STK3: variants seen among roughly 807,000 people sequenced by gnomAD.
The protein encoded by STK3 is serine/threonine kinase 3.
A neutral mutation model predicts 58.0 loss-of-function variants in STK3; 41 were observed. The ratio of observed to expected loss-of-function variants is 0.71; its 90% CI spans 0.55 to 0.92. The LOEUF (loss-of-function observed/expected upper bound fraction) is 0.92, where lower values mean the gene tolerates loss of function less well. Among genes scored for constraint, STK3 ranks in the 40% least tolerant of loss-of-function variants. The pLI is 0.00. For missense variants in STK3, 479 were observed against 602.7 expected (o/e 0.79, Z 2.15); for synonymous variants, 170 against 191.0 (o/e 0.89, Z 0.91).
chr8:98,820,518 A>C (rs1834821273), intron 1 of STK3, among the ~76,000 whole-genome samples: 1 of 152,142 alleles, frequency 6.6e-6, no homozygotes, highest in South Asian at 2.1e-4. Context: ...ACAAGTATTA[A>C]ATATATTTTC....
At chr8:98,708,273 G>T (rs1325514885) in intron 4 of STK3, among the ~76,000 whole-genome samples, 1 of 152,120 alleles carries the variant, frequency 6.6e-6, no homozygotes, top group African/African-American at 2.4e-5. Flanking sequence ...GCTAATATCT[G>T]TTCTGAAAAA....
chr8:98,464,540 TAAA>T, intron 10 of STK3, among the ~76,000 whole-genome samples: 2 of 69,226 alleles, frequency 2.9e-5, no homozygotes, highest in Admixed American at 2.2e-4. Context: ...TACTTAAAGT[TAAA>T]AAAAAAAAAA....
At chr8:98,613,614 T>C (rs1459215438) in intron 6 of STK3, among the ~76,000 whole-genome samples, 1 of 150,186 alleles carries the variant, frequency 6.7e-6, no homozygotes, top group Non-Finnish European at 1.5e-5. Flanking sequence ...AAAAGAAAAC[T>C]CTTAAAAAAA....
At chr8:98,621,250 T>G (rs1355935746) in intron 6 of STK3, among the ~76,000 whole-genome samples, 3 of 152,192 alleles carry the variant, frequency 2.0e-5, no homozygotes, top group African/African-American at 7.2e-5. Context: ...AACAACTGAT[T>G]TTTATATCTT....
intron 7 of STK3, among the ~76,000 whole-genome samples, chr8:98,590,078 A>G (rs550872879): frequency 3.9e-5 from 6 of 152,292 alleles, no homozygotes; most frequent in African/African-American, 1.4e-4. Context: ...TCATGCTGGG[A>G]GCTGTAGACC....
intron 3 of STK3, among the ~76,000 whole-genome samples, chr8:98,410,829 A>G (rs1175777825): frequency 6.6e-6 from 1 of 152,228 alleles, no homozygotes; most frequent in Non-Finnish European, 1.5e-5. Context: ...AGAGAGAAGA[A>G]AGGGGAAGAG....
At position 98,428,880 on chromosome 8, in the gene STK3, C is replaced by A. The variant is rs114019607; in HGVS notation, n.483+5247G>T. ...GGTGGCCCAGGTCCTGAGGCTGATG[C>A]GGATCTTCCGCATCTTAAAGCTGGC... On this transcript the variant is annotated intron_variant and non_coding_transcript_variant, in intron 3 of 3. Transcript: ENST00000517832. The surrounding 1 kb of genome is among the most constrained non-coding windows in gnomAD (Gnocchi z 6.7). The A allele has an allele frequency of 3.7e-4, 590 of 1,614,150 alleles. 2 individuals carry two copies. The African/African-American group carries it at 7.0e-3, about 19-fold the overall frequency.
chr8:98,799,142 A>G (rs896296455), intron 1 of STK3, among the ~76,000 whole-genome samples: 1 of 152,222 alleles, frequency 6.6e-6, no homozygotes, highest in Non-Finnish European at 1.5e-5. Context: ...TGACTATCTC[A>G]TTAAGTTTAG....
intron 3 of STK3, among the ~76,000 whole-genome samples, chr8:98,410,409 G>A (rs918185647): frequency 6.6e-6 from 1 of 152,162 alleles, no homozygotes; most frequent in Admixed American, 6.5e-5. Context: ...CCCTTTATCT[G>A]TCTGCCTTGC....
chr8:98,620,383 G>T lies in STK3; in HGVS notation c.685-24214C>A, dbSNP rs559168946. Among the ~76,000 whole-genome samples the T allele has an allele frequency of 1.5e-3, 216 of 142,086 alleles. 4 individuals are homozygous for T. In the South Asian group the frequency reaches 0.048, roughly 32 times the overall value. 93.2% of individuals were successfully genotyped at this position (142,086 alleles called of 152,430 possible). On this transcript the variant is annotated intron_variant, in intron 6 of 10. Transcript: ENST00000419617. The stretch of plus-strand genomic sequence containing the variant: ...CTAATGCTAGATGACGAGTTAGTGG[G>T]TGCAGCACACCAGCATGGCACATGT...
intron 1 of STK3, 134 bp downstream of exon 1, chr8:98,825,381 C>A (rs1835187084): frequency 1.3e-6 from 1 of 757,728 alleles, no homozygotes; most frequent in Non-Finnish European, 1.8e-6. Context: ...CTCGGACCCG[C>A]CTCCCGACCT....
At chr8:98,573,494 C>T (rs1384584448) in intron 8 of STK3, among the ~76,000 whole-genome samples, 1 of 151,950 alleles carries the variant, frequency 6.6e-6, no homozygotes, top group Non-Finnish European at 1.5e-5. Context: ...AGTTACCTCC[C>T]ACCAGGTCCC....
At chr8:98,474,390 A>C (rs1352823252) in intron 10 of STK3, among the ~76,000 whole-genome samples, 1 of 152,170 alleles carries the variant, frequency 6.6e-6, no homozygotes, top group African/African-American at 2.4e-5. Flanking sequence ...CCTTGCCTGA[A>C]TCTAATCCTG....
intron 4 of STK3, among the ~76,000 whole-genome samples, chr8:98,747,889 T>C (rs934235214): frequency 4.6e-5 from 7 of 152,212 alleles, no homozygotes; most frequent in Non-Finnish European, 1.0e-4. Context: ...CTCAGTGGAC[T>C]GTGTCTTATA....
chr8:98,726,049 T>C (rs1384644819), intron 4 of STK3, among the ~76,000 whole-genome samples: 2 of 152,062 alleles, frequency 1.3e-5, no homozygotes, highest in African/African-American at 4.8e-5. Context: ...TGTTACAGCG[T>C]GCTATGGGGT....
intron 6 of STK3, among the ~76,000 whole-genome samples, chr8:98,696,605 T>A (rs1445923967): frequency 6.6e-6 from 1 of 152,210 alleles, no homozygotes; most frequent in Non-Finnish European, 1.5e-5. Context: ...TCTGCATCTA[T>A]TGAGATAATC....
At chr8:98,575,874 A>T (rs1329299479) in intron 8 of STK3, among the ~76,000 whole-genome samples, 1 of 152,138 alleles carries the variant, frequency 6.6e-6, no homozygotes, top group Non-Finnish European at 1.5e-5. Context: ...TTATTCTCTT[A>T]TGCACAAAAA....
intron 2 of STK3, among the ~76,000 whole-genome samples, chr8:98,436,451 T>C (rs1002614087): frequency 2.0e-5 from 3 of 152,236 alleles, no homozygotes; most frequent in African/African-American, 7.2e-5. Context: ...CTCTTCCTTC[T>C]GACTTCTTCC....
chr8:98,392,899 T>G (rs528408499), upstream of STK3, among the ~76,000 whole-genome samples: 1 of 152,294 alleles, frequency 6.6e-6, no homozygotes, highest in African/African-American at 2.4e-5. Flanking sequence ...TGCCTGTTAT[T>G]CAGCTGTATC....
Sources: allele counts gnomAD v4.1 joint callset (sites outside exome capture counted in the v4.1 genomes callset), GRCh38; gene constraint gnomAD v4.1.1; non-coding constraint Gnocchi (gnomAD v3.1); transcripts MANE v1.5; gene names NCBI Gene and HGNC (gene_info 2026-07-23, HGNC 2026-07-21).